The following DEPTOR variants were observed in gnomAD, a reference collection of about 807,000 sequenced individuals.
DEPTOR encodes DEP domain containing MTOR interacting protein, also known as DEP domain-containing mTOR-interacting protein.
A neutral mutation model predicts 41.6 loss-of-function variants in DEPTOR; 41 were observed. The observed-to-expected ratio is 0.98, with a 90% CI of 0.77 to 1.28. The LOEUF is 1.28. DEPTOR is among the 50% of genes most tolerant of loss of function. The pLI is 0.00. For synonymous variants in DEPTOR, 195 were observed against 192.3 expected (o/e 1.01, Z -0.12); for missense variants, 514 against 527.9 (o/e 0.97, Z 0.26).
At chr8:119,978,213 A>G (rs1179141058) in intron 4 of DEPTOR, among the ~76,000 whole-genome samples, 1 of 152,116 alleles carries the variant, frequency 6.6e-6, no homozygotes, top group African/African-American at 2.4e-5. Context: ...ACGCCAGCAC[A>G]ATATCTCTAT....
At chr8:119,997,732 C>T (rs2130069675) in intron 4 of DEPTOR, among the ~76,000 whole-genome samples, 1 of 152,164 alleles carries the variant, frequency 6.6e-6, no homozygotes, top group Middle Eastern at 3.4e-3. Flanking sequence ...TTTATGTGAC[C>T]AGAATAATTG....
chr8:119,984,833 G>A (rs1828809648), intron 4 of DEPTOR, among the ~76,000 whole-genome samples: 1 of 152,144 alleles, frequency 6.6e-6, no homozygotes, highest in Non-Finnish European at 1.5e-5. Context: ...AGATCCTTGA[G>A]GAATTGCCAC....
intron 1 of DEPTOR, among the ~76,000 whole-genome samples, chr8:119,883,757 A>G (rs962577324): frequency 6.6e-6 from 1 of 151,990 alleles, no homozygotes; most frequent in East Asian, 1.9e-4. Context: ...TTACCTACAG[A>G]TTTTGGGTTC....
intron 4 of DEPTOR, among the ~76,000 whole-genome samples, chr8:119,994,579 A>AG (rs1812227668): frequency 6.6e-6 from 1 of 152,164 alleles, no homozygotes; most frequent in African/African-American, 2.4e-5. Context: ...CGTTTTTCAT[A>AG]GGTAAAAGGA....
chr8:120,022,091 A>T (rs1198671576), intron 8 of DEPTOR, among the ~76,000 whole-genome samples: 1 of 150,596 alleles, frequency 6.6e-6, no homozygotes, highest in Non-Finnish European at 1.5e-5. Context: ...ACAGTAGTTC[A>T]AGGTTACAGC....
chr8:119,897,336 C>A (rs534104053), intron 1 of DEPTOR, among the ~76,000 whole-genome samples: 16 of 152,192 alleles, frequency 1.1e-4, no homozygotes, highest in Admixed American at 3.9e-4. Flanking sequence ...AGTTCGAGAC[C>A]AGCCTGGCCA....
intron 6 of DEPTOR, among the ~76,000 whole-genome samples, chr8:120,003,982 C>T (rs1232820981): frequency 6.6e-6 from 1 of 152,224 alleles, no homozygotes; most frequent in Non-Finnish European, 1.5e-5. Flanking sequence ...GTTTAAGGCA[C>T]TGTCCACCCC....
intron 3 of DEPTOR, among the ~76,000 whole-genome samples, chr8:119,934,512 C>T (rs1233785914): frequency 1.3e-5 from 2 of 152,170 alleles, no homozygotes; most frequent in African/African-American, 4.8e-5. Flanking sequence ...TTGTGCCCTT[C>T]AGCAGGCTGA....
intron 1 of DEPTOR, among the ~76,000 whole-genome samples, chr8:119,917,792 C>G (rs1448264013): frequency 3.9e-5 from 6 of 152,176 alleles, no homozygotes; most frequent in Non-Finnish European, 7.3e-5. Flanking sequence ...AGGTATCTGT[C>G]TCCTGCCCGT....
intron 1 of DEPTOR, among the ~76,000 whole-genome samples, chr8:119,893,100 C>T (rs1408330060): frequency 1.3e-5 from 2 of 152,134 alleles, no homozygotes; most frequent in Non-Finnish European, 2.9e-5. Flanking sequence ...TTATAATTTA[C>T]AATTACATCT....
At chr8:119,962,250 C>G (rs972513509) in intron 3 of DEPTOR, among the ~76,000 whole-genome samples, 1 of 152,068 alleles carries the variant, frequency 6.6e-6, no homozygotes, top group Non-Finnish European at 1.5e-5. Flanking sequence ...GAGCAAGACT[C>G]TGTCTCAAAC....
intron 4 of DEPTOR, among the ~76,000 whole-genome samples, chr8:119,993,523 A>T (rs1812207492): frequency 1.3e-5 from 2 of 152,236 alleles, no homozygotes; most frequent in African/African-American, 4.8e-5. Context: ...CTGGAACATT[A>T]GATATTGAAT....
At chr8:120,046,581 T>C (rs1384484020) in intron 8 of DEPTOR, among the ~76,000 whole-genome samples, 4 of 152,282 alleles carry the variant, frequency 2.6e-5, no homozygotes, top group Middle Eastern at 3.4e-3. Flanking sequence ...TACTGAATTA[T>C]ATTTCTCCTT....
At chr8:119,937,670 T>C (rs1477419945) in intron 3 of DEPTOR, among the ~76,000 whole-genome samples, 2 of 152,182 alleles carry the variant, frequency 1.3e-5, no homozygotes, top group Admixed American at 6.5e-5. Flanking sequence ...ACAAGTTTGC[T>C]GCCACCATTT....
chr8:120,042,233 G>A (rs1009550782), intron 8 of DEPTOR, among the ~76,000 whole-genome samples: 2 of 152,148 alleles, frequency 1.3e-5, no homozygotes, highest in Admixed American at 6.5e-5. Context: ...CACGCGTTCT[G>A]TGTGTTTGTG....
intron 8 of DEPTOR, among the ~76,000 whole-genome samples, chr8:120,040,741 C>T (rs1038344085): frequency 5.9e-5 from 9 of 152,128 alleles, no homozygotes; most frequent in Non-Finnish European, 5.9e-5. Context: ...CATTTCCTAA[C>T]GTAAGTATTC....
rs1346987206 is a variant in DEPTOR, at chr8:119,969,414, G to GT, written c.604+4005dup. ...TTGTTGCCCAGGCTGGAGTGCAATG[G>GT]TGCGATCTTGGCTCACTGCAACCTC... On this transcript the variant is annotated intron_variant, in intron 4 of 8. Coordinates refer to ENST00000286234, the MANE Select transcript of DEPTOR (RefSeq NM_022783.4). Among the ~76,000 whole-genome samples, 3 of 151,092 alleles carry GT rather than the reference G, an allele frequency of 2.0e-5. No individual in the cohort carries two copies. The East Asian group carries it at 5.9e-4, about 29-fold the overall frequency.
intron 4 of DEPTOR, among the ~76,000 whole-genome samples, chr8:119,969,520 A>G (rs1360415651): frequency 6.6e-6 from 1 of 151,774 alleles, no homozygotes; most frequent in African/African-American, 2.4e-5. Flanking sequence ...ATGCTTGGCT[A>G]ATTTTTTGTA....
intron 4 of DEPTOR, among the ~76,000 whole-genome samples, chr8:119,976,037 T>C (rs1171549045): frequency 1.3e-5 from 2 of 151,940 alleles, no homozygotes; most frequent in African/African-American, 4.8e-5. Flanking sequence ...AATTTTTGTA[T>C]TTTTAATAGA....
Sources: allele counts gnomAD v4.1 joint callset (sites outside exome capture counted in the v4.1 genomes callset), GRCh38; gene constraint gnomAD v4.1.1; transcripts MANE v1.5; gene names NCBI Gene and HGNC (gene_info 2026-07-23, HGNC 2026-07-21).